Variants in MED13 observed in about 807,000 individuals in gnomAD.
The protein encoded by MED13 is mediator of RNA polymerase II transcription subunit 13.
A neutral mutation model predicts 225.2 loss-of-function variants in MED13; 23 were observed. That is an observed-to-expected ratio of 0.10 (90% confidence interval 0.07 to 0.14). MED13 has a LOEUF of 0.14. MED13 is among the 10% of genes least tolerant of loss of function. MED13 has a pLI of 1.00. For synonymous variants in MED13, 942 were observed against 889.2 expected (o/e 1.06, Z -1.06); for missense variants, 2,197 against 2,594.5 (o/e 0.85, Z 3.33).
intron 3 of MED13, among the ~76,000 whole-genome samples, chr17:62,042,490 A>G (rs1259866977): frequency 7.5e-6 from 1 of 132,808 alleles, no homozygotes; most frequent in Non-Finnish European, 1.5e-5. Flanking sequence ...TGAACCTGGG[A>G]GGTGGCAGTT....
intron 3 of MED13, among the ~76,000 whole-genome samples, chr17:62,039,953 T>C (rs1289139878): frequency 6.6e-6 from 1 of 152,004 alleles, no homozygotes; most frequent in Non-Finnish European, 1.5e-5. Context: ...TGGAGTGCAG[T>C]GGCTATTCAC....
rs753038997 is a variant in MED13, at chr17:62,031,469, A to G, written c.984T>C (p.Pro328=). 3 of 1,610,674 alleles carry G rather than the reference A, an allele frequency of 1.9e-6. No individual in the cohort carries two copies. In the South Asian group the frequency reaches 3.3e-5, roughly 18 times the overall value. The change falls in exon 6 of 30, where the codon CCT becomes CCC. Residue 328 remains proline, a synonymous_variant. Transcript: ENST00000397786. ...CTGTTTGGACTTCCTCAGGAGACGT[A>G]GGTGGTGTAAGCGTAACCGAAGACA... The part of the protein sequence containing the change: ...PAMSSVTLTP[P]TSPEEVQTVD...
At chr17:62,005,672 G>A (rs1258085246) in intron 9 of MED13, 1 of 152,170 alleles carries the variant, frequency 6.6e-6, no homozygotes, top group East Asian at 1.9e-4. Flanking sequence ...CAAAGGGCCA[G>A]ATGAAGCACA....
At chr17:62,020,885 T>C (rs1365304572) in intron 8 of MED13, among the ~76,000 whole-genome samples, 1 of 151,752 alleles carries the variant, frequency 6.6e-6, no homozygotes, top group Non-Finnish European at 1.5e-5. Context: ...GGAGTGGTGA[T>C]GACTCTTAAT....
chr17:61,984,162 A>G lies in MED13; in HGVS notation c.2888+9T>C, dbSNP rs1291280762. ...CAGTCACATACTATTGTAACAACAT[A>G]AATCATACCCCTCTTTGATGAATGG... On this transcript the variant is annotated intron_variant, in intron 15 of 29. Coordinates refer to ENST00000397786, the MANE Select transcript of MED13 (RefSeq NM_005121.3). The G allele has an allele frequency of 1.3e-6, 2 of 1,527,060 alleles. No homozygotes were observed. The highest frequency in any genetic ancestry group is 2.2e-5 in the Admixed American group (1 of 45,792). 94.6% of individuals were successfully genotyped at this position (1,527,060 alleles called of 1,614,324 possible). A position where few individuals can be genotyped will look rare whatever the true frequency, so the allele number is the denominator to read the frequency against.
chr17:62,030,777 T>C (rs528748045), intron 6 of MED13: 1 of 152,334 alleles, frequency 6.6e-6, no homozygotes, highest in African/African-American at 2.4e-5. Flanking sequence ...AGATATAAAC[T>C]GTTGCATGAA....
At chr17:61,988,705 A>T (rs78672786) in intron 11 of MED13, among the ~76,000 whole-genome samples, 1 of 151,938 alleles carries the variant, frequency 6.6e-6, no homozygotes, top group South Asian at 2.1e-4. Context: ...TAAGTAGCCC[A>T]AACAACCCAA....
chr17:61,944,490 T>C lies in MED13; in HGVS notation c.*1978A>G, dbSNP rs2079838068. 2 of 151,954 alleles carry C rather than the reference T, an allele frequency of 1.3e-5. No homozygotes were observed. Among genetic ancestry groups the C allele is most frequent in the South Asian group, 4.1e-4 (2 of 4,834 alleles). 9.4% of individuals were successfully genotyped at this position (151,954 alleles called of 1,614,324 possible). On this transcript the variant is annotated 3_prime_UTR_variant, in exon 30 of 30. Transcript: ENST00000397786. Reference sequence around the variant, plus strand: ...GATCTTTAAATTTAATATCAAAATATGCTGACCATTAGAACTGCATTATAA... The same window carrying C: ...GATCTTTAAATTTAATATCAAAATACGCTGACCATTAGAACTGCATTATAA...
intron 28 of MED13, among the ~76,000 whole-genome samples, chr17:61,950,468 C>G (rs2079887522): frequency 6.6e-6 from 1 of 151,556 alleles, no homozygotes; most frequent in Non-Finnish European, 1.5e-5. Context: ...ACTGCAACCT[C>G]TGCCTCCCAG....
At chr17:62,046,770 G>C (rs1411481192) in intron 3 of MED13, among the ~76,000 whole-genome samples, 1 of 152,066 alleles carries the variant, frequency 6.6e-6, no homozygotes. Flanking sequence ...CTGGCAGTTT[G>C]GGCTGCAATG....
intron 9 of MED13, among the ~76,000 whole-genome samples, chr17:62,002,209 G>A (rs928553915): frequency 4.6e-5 from 7 of 152,168 alleles, no homozygotes; most frequent in Middle Eastern, 3.4e-3. Context: ...TCAAAAGAGG[G>A]CTGGGCACGG....
intron 6 of MED13, chr17:62,030,417 G>C (rs1314975932): frequency 6.4e-6 from 1 of 156,024 alleles, no homozygotes; most frequent in Non-Finnish European, 1.4e-5. Flanking sequence ...AAGGACTTCG[G>C]AGTAGTGCGA....
intron 3 of MED13, among the ~76,000 whole-genome samples, chr17:62,048,043 C>CAT (rs397803988): frequency 0.076 from 9,972 of 130,942 alleles, 406 homozygotes; most frequent in Middle Eastern, 0.094. Flanking sequence ...TATACATATA[C>CAT]ATATATATAT....
At chr17:62,009,570 A>G (rs1228210783) in intron 9 of MED13, among the ~76,000 whole-genome samples, 1 of 152,218 alleles carries the variant, frequency 6.6e-6, no homozygotes, top group East Asian at 1.9e-4. Context: ...ATCTTGTAAG[A>G]CCAACTATAG....
intron 16 of MED13, among the ~76,000 whole-genome samples, chr17:61,975,844 C>A (rs1206594004): frequency 6.6e-6 from 1 of 152,054 alleles, no homozygotes; most frequent in Non-Finnish European, 1.5e-5. Flanking sequence ...GGTGAAACCC[C>A]ATTTCTACTA....
chr17:62,018,520 C>T (rs746667511), intron 8 of MED13, among the ~76,000 whole-genome samples: 1 of 152,118 alleles, frequency 6.6e-6, no homozygotes, highest in Non-Finnish European at 1.5e-5. Context: ...GGCTGGCCAA[C>T]ATGGTGAAAC....
chr17:62,006,721 G>A (rs1054234659), intron 9 of MED13: 2 of 151,980 alleles, frequency 1.3e-5, no homozygotes, highest in East Asian at 1.9e-4. Flanking sequence ...GAGGTAAGGA[G>A]TTCGAGACCA....
chr17:61,982,199 G>A lies in MED13; in HGVS notation c.3804C>T (p.Asn1268=), dbSNP rs748665328. Residue 1268 remains asparagine (N), a splice_region_variant and synonymous_variant, in exon 16 of 30, where the codon AAC becomes AAT. Coordinates refer to ENST00000397786, the MANE Select transcript of MED13 (RefSeq NM_005121.3). ...SSCLHPWSKR[N]DVSMQCSQDI... is the part of the protein sequence containing the mutation. ...AAGTATTTTATTGGCATACTTTACC[G>A]TTTCTTTTGGACCAGGGGTGTAAGC... is the stretch of plus-strand genomic sequence containing the variant. 8.1e-6 allele frequency: 13 copies of A among 1,597,590 alleles called. No homozygotes were observed. The highest frequency in any genetic ancestry group is 7.1e-5 in the Admixed American group (4 of 56,564).
chr17:62,042,029 C>CT (rs887668702), intron 3 of MED13, among the ~76,000 whole-genome samples: 5 of 152,184 alleles, frequency 3.3e-5, no homozygotes, highest in Non-Finnish European at 7.3e-5. Flanking sequence ...TTTTTGTAAG[C>CT]TCTCCAGGTG....
Sources: gnomAD v4.1 joint callset for allele counts (sites outside exome capture counted in the v4.1 genomes callset) on GRCh38, gnomAD v4.1.1 for gene constraint, MANE v1.5 for transcripts, NCBI Gene and HGNC (gene_info 2026-07-23, HGNC 2026-07-21) for gene names.